ENAH: variants seen among roughly 807,000 people sequenced by gnomAD.
ENAH encodes ENAH actin regulator, also known as protein enabled homolog.
Under a neutral mutation model 78.7 loss-of-function variants are expected in ENAH, and 23 were observed. That is an observed-to-expected ratio of 0.29 (90% CI 0.21 to 0.41). The LOEUF (loss-of-function observed/expected upper bound fraction) is 0.41, where lower values mean the gene tolerates loss of function less well. Among genes scored for constraint, ENAH ranks in the 10% least tolerant of loss-of-function variants. ENAH has a pLI of 1.00. For missense variants in ENAH, 544 were observed against 691.0 expected (o/e 0.79, Z 2.39); for synonymous variants, 226 against 241.0 (o/e 0.94, Z 0.58).
At chr1:225,634,636 G>A (rs538808506) in intron 1 of ENAH, among the ~76,000 whole-genome samples, 3 of 152,186 alleles carry the variant, frequency 2.0e-5, no homozygotes, top group Admixed American at 6.5e-5. Context: ...AAAGACCTGC[G>A]AATATCATTT....
At chr1:225,607,200 A>G (rs2096960621) in intron 1 of ENAH, among the ~76,000 whole-genome samples, 1 of 152,190 alleles carries the variant, frequency 6.6e-6, no homozygotes, top group African/African-American at 2.4e-5. Context: ...CACACGTAAA[A>G]TACACTAACA....
intron 4 of ENAH, among the ~76,000 whole-genome samples, chr1:225,524,873 G>A (rs1416769756): frequency 2.6e-5 from 4 of 151,990 alleles, no homozygotes; most frequent in African/African-American, 7.3e-5. Flanking sequence ...ATATGAGTAG[G>A]AACCAAAAAC....
At position 225,567,417 on chromosome 1, in the gene ENAH, G is replaced by T; in HGVS notation, c.6-3C>A. On this transcript the variant is annotated splice_region_variant and splice_polypyrimidine_tract_variant and intron_variant, in intron 1 of 13. Transcript: ENST00000366843. The stretch of plus-strand genomic sequence containing the variant: ...TTGCCTGACAGATACTCTGTTCACT[G>T]TAAAAAATAAAATAAAATATTCAAA... 1 of 1,594,502 alleles carries T rather than the reference G, an allele frequency of 6.3e-7. No homozygotes were observed. The highest frequency in any genetic ancestry group is 8.5e-7 in the Non-Finnish European group (1 of 1,170,926).
intron 1 of ENAH, among the ~76,000 whole-genome samples, chr1:225,622,074 A>G (rs975651190): frequency 6.6e-6 from 1 of 152,234 alleles, no homozygotes; most frequent in African/African-American, 2.4e-5. Context: ...CAACTCTTTA[A>G]AAAGTCATAC....
chr1:225,512,713 T>G lies in ENAH; in HGVS notation c.1366A>C (p.Arg456=). The stretch of plus-strand genomic sequence containing the variant: ...GTTGATCCCTTTTCAGCAATTCTTC[T>G]CCTACAAAGAAGGCAAATCCGATTT... ...EEMSALLARR[R]RIAEKGSTIE... Residue 456 remains arginine, a splice_region_variant and synonymous_variant, in exon 9 of 14, where the codon AGA becomes CGA. Transcript: ENST00000366843. 6.2e-7 allele frequency: 1 copy of G among 1,613,710 alleles called. No homozygotes were observed. Among genetic ancestry groups the G allele is most frequent in the Non-Finnish European group, 8.5e-7 (1 of 1,179,878 alleles).
intron 2 of ENAH, among the ~76,000 whole-genome samples, chr1:225,556,174 T>C (rs1225654758): frequency 6.6e-6 from 1 of 152,252 alleles, no homozygotes; most frequent in Non-Finnish European, 1.5e-5. Flanking sequence ...GTTATGAACT[T>C]TCTACTGCAT....
rs556995604 is a variant in ENAH, at chr1:225,635,245, A to G, written c.5+17441T>C. 1.1e-4 allele frequency among the ~76,000 whole-genome samples: 17 copies of G among 152,282 alleles called. No homozygotes were observed. The East Asian group carries it at 2.9e-3, about 26-fold the overall frequency. On this transcript the variant is annotated intron_variant, in intron 1 of 13. Coordinates refer to ENST00000366843, the MANE Select transcript of ENAH (RefSeq NM_018212.6). ...AAATTTATTTTTAAAGAAACAGTCT[A>G]TGTTGCCCAGGCTGGTCTCAAATTC...
intron 1 of ENAH, among the ~76,000 whole-genome samples, chr1:225,572,757 A>T (rs1447477366): frequency 6.6e-6 from 1 of 152,258 alleles, no homozygotes; most frequent in Non-Finnish European, 1.5e-5. Context: ...AGATTAAATT[A>T]GTAAATTACC....
At chr1:225,530,468 A>T (rs917774178) in intron 4 of ENAH, 86 bp downstream of exon 4, 1 of 1,090,576 alleles carries the variant, frequency 9.2e-7, no homozygotes, top group Non-Finnish European at 1.4e-6. Context: ...ACAGCTGATA[A>T]GACATAATCT....
chr1:225,507,856 A>G (rs1045350198), intron 11 of ENAH, 95 bp downstream of exon 11: 16 of 845,850 alleles, frequency 1.9e-5, no homozygotes, highest in East Asian at 2.9e-5. Flanking sequence ...GCTCCTCTGT[A>G]TAATTTCTTA....
intron 3 of ENAH, among the ~76,000 whole-genome samples, chr1:225,537,713 G>A (rs1350276818): frequency 7.8e-6 from 1 of 127,792 alleles, no homozygotes; most frequent in African/African-American, 2.8e-5. Context: ...TTTAAGTTAG[G>A]CCTATTGACT....
intron 3 of ENAH, among the ~76,000 whole-genome samples, chr1:225,536,708 TAA>T (rs1300941851): frequency 2.0e-5 from 3 of 152,032 alleles, no homozygotes; most frequent in East Asian, 1.9e-4. Context: ...ATGTCTTAAA[TAA>T]AAGAGAATTT....
rs756735227 is a variant in ENAH, at chr1:225,519,256, T to C, written c.744A>G (p.Gln248=). 6.2e-6 allele frequency: 10 copies of C among 1,614,262 alleles called. No individual in the cohort carries two copies. Among genetic ancestry groups the C allele is most frequent in the Non-Finnish European group, 8.5e-6 (10 of 1,180,046 alleles). Residue 248 remains glutamine, a synonymous_variant, in exon 5 of 14, where the codon CAA becomes CAG. Coordinates refer to ENST00000366843, the MANE Select transcript of ENAH (RefSeq NM_018212.6). ...LERERQERER[Q]EQLEREQLEW... ...CCAGCTGTTCCCTTTCTAACTGCTC[T>C]TGTCGCTCCCTTTCTTGCCTCTCCC...
rs1467275127 is a variant in ENAH at position 225,495,021 on chromosome 1, A to T, written c.*2754T>A. The T allele has an allele frequency of 3.9e-5, 6 of 152,670 alleles. No homozygotes were observed. The highest frequency in any genetic ancestry group is 7.3e-5 in the Non-Finnish European group (5 of 68,042). 9.5% of individuals were successfully genotyped at this position (152,670 alleles called of 1,614,324 possible). ...TGACACTTGATGCTTGCAAATTTTTAAACAAACTTTTAAATCATGATGACT... is the reference window on the plus strand; with the variant it reads ...TGACACTTGATGCTTGCAAATTTTTTAACAAACTTTTAAATCATGATGACT... On this transcript the variant is annotated 3_prime_UTR_variant, in exon 14 of 14. Coordinates refer to ENST00000366843, the MANE Select transcript of ENAH (RefSeq NM_018212.6).
chr1:225,535,334 T>G (rs1400440984), intron 3 of ENAH, among the ~76,000 whole-genome samples: 1 of 152,176 alleles, frequency 6.6e-6, no homozygotes, highest in East Asian at 1.9e-4. Context: ...AACTCAAAGC[T>G]GACCAAATCA....
At position 225,574,671 on chromosome 1, in the gene ENAH, G is replaced by A. The variant is rs1473086514; in HGVS notation, c.6-7257C>T. On this transcript the variant is annotated intron_variant, in intron 1 of 13. Transcript: ENST00000366843. ...AATCCCAGCACTTTGGGAGGCCGAG[G>A]CGGGCGGATCACGAGGTCAGGAGAT... Among the ~76,000 whole-genome samples the A allele has an allele frequency of 9.4e-5, 2 of 21,170 alleles. 1 individual carries two copies. Among genetic ancestry groups the A allele is most frequent in the Admixed American group, 8.5e-4 (2 of 2,358 alleles). 13.9% of individuals were successfully genotyped at this position (21,170 alleles called of 152,430 possible).
chr1:225,549,644 A>G (rs539623035), intron 3 of ENAH, among the ~76,000 whole-genome samples: 1 of 151,780 alleles, frequency 6.6e-6, no homozygotes, highest in East Asian at 1.9e-4. Flanking sequence ...GTTGTTATAA[A>G]GATGATTGGT....
intron 5 of ENAH, chr1:225,517,559 G>A: frequency 1.9e-6 from 3 of 1,551,362 alleles, no homozygotes; most frequent in East Asian, 2.4e-5. Flanking sequence ...CAAACAGGGA[G>A]GACAGGCCTT....
intron 13 of ENAH, among the ~76,000 whole-genome samples, 190 bp from the exon 14 acceptor site, chr1:225,498,002 C>T (rs998179093): frequency 2.0e-5 from 3 of 151,958 alleles, no homozygotes; most frequent in Admixed American, 1.3e-4. Flanking sequence ...TTATTTTCTC[C>T]TTTTGTATAC....
Sources: allele counts gnomAD v4.1 joint callset (sites outside exome capture counted in the v4.1 genomes callset), GRCh38; gene constraint gnomAD v4.1.1; transcripts MANE v1.5; gene names NCBI Gene and HGNC (gene_info 2026-07-23, HGNC 2026-07-21).